CNTNAP2: variants seen among roughly 807,000 people sequenced by gnomAD.
CNTNAP2 encodes the protein contactin-associated protein-like 2.
CNTNAP2 carries 98 observed loss-of-function variants against 155.2 expected under a neutral mutation model. The ratio of observed to expected loss-of-function variants is 0.63; its 90% CI spans 0.54 to 0.75. The LOEUF is 0.75. Among genes scored for constraint, CNTNAP2 ranks in the 30% least tolerant of loss-of-function variants. CNTNAP2 has a pLI of 0.00. For synonymous variants in CNTNAP2, 651 were observed against 631.2 expected (o/e 1.03, Z -0.47); for missense variants, 1,727 against 1,688.1 (o/e 1.02, Z -0.40).
intron 13 of CNTNAP2, among the ~76,000 whole-genome samples, chr7:147,765,196 T>C (rs1209764378): frequency 6.6e-6 from 1 of 152,162 alleles, no homozygotes; most frequent in African/African-American, 2.4e-5. Flanking sequence ...ACACCTATGA[T>C]ATTTTATCAT....
chr7:147,606,979 A>G (rs78651359), intron 12 of CNTNAP2, among the ~76,000 whole-genome samples: 579 of 152,196 alleles, frequency 3.8e-3, no homozygotes, highest in Non-Finnish European at 6.2e-3. Context: ...TACTTTTGTT[A>G]AAATTAAAGT....
intron 13 of CNTNAP2, among the ~76,000 whole-genome samples, chr7:147,740,880 A>C (rs1253892583): frequency 2.0e-5 from 3 of 152,204 alleles, no homozygotes; most frequent in Non-Finnish European, 2.9e-5. Context: ...GGGCCCAGGC[A>C]GAAGTCCTCA....
intron 13 of CNTNAP2, among the ~76,000 whole-genome samples, chr7:147,776,269 T>G (rs538899788): frequency 2.0e-5 from 3 of 151,772 alleles, no homozygotes; most frequent in East Asian, 1.9e-4. Flanking sequence ...GGCTGGGTTT[T>G]TTTTTTTTTT....
intron 13 of CNTNAP2, among the ~76,000 whole-genome samples, chr7:147,647,291 G>A (rs547441098): frequency 7.3e-5 from 11 of 151,452 alleles, no homozygotes; most frequent in East Asian, 5.8e-4. Context: ...GTGAGCCACC[G>A]CGCCCGGCCA....
chr7:146,545,884 G>A (rs750370019), intron 1 of CNTNAP2, among the ~76,000 whole-genome samples: 4 of 151,838 alleles, frequency 2.6e-5, no homozygotes, highest in South Asian at 2.1e-4. Flanking sequence ...GCACATGTAC[G>A]GTTATTGCAG....
chr7:146,235,883 G>A (rs539123759), intron 1 of CNTNAP2, among the ~76,000 whole-genome samples: 2 of 151,928 alleles, frequency 1.3e-5, no homozygotes, highest in South Asian at 4.2e-4. Context: ...ACATAGACTT[G>A]TCTTATAACC....
At position 147,972,086 on chromosome 7, in the gene CNTNAP2, C is replaced by T. The variant is rs1227336961; in HGVS notation, c.2256-5776C>T. 2.0e-5 allele frequency among the ~76,000 whole-genome samples: 3 copies of T among 152,120 alleles called. 1 individual carries two copies. Among genetic ancestry groups the T allele is most frequent in the East Asian group, 1.9e-4 (1 of 5,198 alleles). On this transcript the variant is annotated intron_variant, in intron 14 of 23. Coordinates refer to ENST00000361727, the MANE Select transcript of CNTNAP2 (RefSeq NM_014141.6). ...TAGCATCTCAATGTAGTTTTAGTTA[C>T]ATTTGCCTAAGGAATGATAGTATTA...
chr7:146,685,727 G>GAAA (rs11384116), intron 1 of CNTNAP2, among the ~76,000 whole-genome samples: 1 of 149,112 alleles, frequency 6.7e-6, no homozygotes, highest in Non-Finnish European at 1.5e-5. Context: ...AGGTGAATTA[G>GAAA]AAAAAAAAAA....
intron 3 of CNTNAP2, among the ~76,000 whole-genome samples, chr7:146,848,117 C>T (rs953554932): frequency 6.6e-6 from 1 of 152,136 alleles, no homozygotes; most frequent in Non-Finnish European, 1.5e-5. Flanking sequence ...AGGAGCTTGT[C>T]AGAGATGTAG....
intron 1 of CNTNAP2, among the ~76,000 whole-genome samples, chr7:146,306,275 G>A (rs547050596): frequency 2.4e-4 from 37 of 152,004 alleles, no homozygotes; most frequent in South Asian, 4.1e-4. Context: ...AACCAAAAAC[G>A]TCCAGGACCA....
At chr7:147,370,898 C>T (rs1796328556) in intron 9 of CNTNAP2, among the ~76,000 whole-genome samples, 1 of 152,042 alleles carries the variant, frequency 6.6e-6, no homozygotes, top group Non-Finnish European at 1.5e-5. Flanking sequence ...TTTCAATATG[C>T]TTAGTATTAC....
chr7:148,050,554 A>T (rs1033278046), intron 15 of CNTNAP2, among the ~76,000 whole-genome samples: 19 of 152,364 alleles, frequency 1.2e-4, no homozygotes, highest in Middle Eastern at 3.4e-3. Context: ...AAGTAAAAAA[A>T]GTTACAGTAA....
intron 11 of CNTNAP2, among the ~76,000 whole-genome samples, chr7:147,502,792 A>AT (rs1798842492): frequency 7.5e-6 from 1 of 132,656 alleles, no homozygotes; most frequent in African/African-American, 2.9e-5. Flanking sequence ...TTTTAAATAT[A>AT]TACAATTTTA....
At chr7:148,301,306 A>ATATATATATATATATATATATAT (rs1554414674) in intron 21 of CNTNAP2, among the ~76,000 whole-genome samples, 28 of 103,840 alleles carry the variant, frequency 2.7e-4, no homozygotes, top group South Asian at 3.4e-4. Flanking sequence ...AAAAAAAAAA[A>ATATATATATATATATATATATAT]ATATATATAT....
chr7:147,329,355 A>T (rs1488595308), intron 9 of CNTNAP2, among the ~76,000 whole-genome samples: 3 of 151,984 alleles, frequency 2.0e-5, no homozygotes, highest in Non-Finnish European at 2.9e-5. Context: ...TGATATACAC[A>T]GTATTATAAT....
At chr7:146,345,932 G>A (rs895930712) in intron 1 of CNTNAP2, among the ~76,000 whole-genome samples, 2 of 152,032 alleles carry the variant, frequency 1.3e-5, no homozygotes, top group Non-Finnish European at 1.5e-5. Flanking sequence ...ACATCATGCA[G>A]CCCCATGAAT....
chr7:146,579,813 G>A (rs1798583883), intron 1 of CNTNAP2, among the ~76,000 whole-genome samples: 2 of 152,182 alleles, frequency 1.3e-5, no homozygotes, highest in Middle Eastern at 3.4e-3. Context: ...ATAATGTAAA[G>A]GTATTTATGT....
intron 8 of CNTNAP2, chr7:147,146,885 T>G (rs541565414): frequency 2.0e-5 from 3 of 152,310 alleles, no homozygotes; most frequent in African/African-American, 7.2e-5. Flanking sequence ...TTCTAAAAAA[T>G]AAATTTTCTT....
chr7:147,137,124 A>T (rs1030286254), intron 8 of CNTNAP2, among the ~76,000 whole-genome samples: 1 of 151,664 alleles, frequency 6.6e-6, no homozygotes, highest in African/African-American at 2.4e-5. Flanking sequence ...ATCACAACAT[A>T]TATACAATAA....
Sources: allele counts gnomAD v4.1 joint callset (sites outside exome capture counted in the v4.1 genomes callset), GRCh38; gene constraint gnomAD v4.1.1; transcripts MANE v1.5; gene names NCBI Gene and HGNC (gene_info 2026-07-23, HGNC 2026-07-21).